CUX2: variants seen among roughly 807,000 people sequenced by gnomAD.
The protein encoded by CUX2 is homeobox protein cut-like 2.
A neutral mutation model predicts 144.8 loss-of-function variants in CUX2; 40 were observed. The observed-to-expected ratio is 0.28, with a 90% CI of 0.21 to 0.36. CUX2 has a LOEUF of 0.36. Among genes scored for constraint, CUX2 ranks in the 10% least tolerant of loss-of-function variants. The probability of loss-of-function intolerance (pLI) is 1.00; values close to 1 mark genes in which losing one functional copy is unlikely to be tolerated. For synonymous variants in CUX2, 827 were observed against 875.6 expected (o/e 0.94, Z 0.98); for missense variants, 1,615 against 1,994.0 (o/e 0.81, Z 3.62).
chr12:111,188,729 G>A (rs1019871074), intron 1 of CUX2, among the ~76,000 whole-genome samples: 2 of 152,164 alleles, frequency 1.3e-5, no homozygotes, highest in African/African-American at 4.8e-5. Flanking sequence ...AGCCTCAGGA[G>A]CAATGGGAAG....
intron 1 of CUX2, among the ~76,000 whole-genome samples, chr12:111,204,892 G>T (rs74345431): frequency 0.027 from 4,140 of 152,286 alleles, 79 homozygotes; most frequent in Middle Eastern, 0.075. Flanking sequence ...CAGGCCTGAG[G>T]CTTGGCTCTT....
intron 1 of CUX2, chr12:111,099,918 T>C (rs1363377023): frequency 1.1e-5 from 5 of 454,240 alleles, no homozygotes; most frequent in South Asian, 4.7e-5. Flanking sequence ...AGAATGAAAA[T>C]GTTTATTGCA....
chr12:111,121,300 A>T (rs1038098944), intron 1 of CUX2, among the ~76,000 whole-genome samples: 11 of 151,678 alleles, frequency 7.3e-5, no homozygotes, highest in African/African-American at 2.4e-4. Flanking sequence ...ATGAGCATGG[A>T]ACTTAAACTA....
chr12:111,105,707 G>T (rs1873559411), intron 1 of CUX2, among the ~76,000 whole-genome samples: 1 of 152,174 alleles, frequency 6.6e-6, no homozygotes, highest in African/African-American at 2.4e-5. Context: ...TGGTAACCTT[G>T]TGCAAGTGGC....
At position 111,320,388 on chromosome 12, in the gene CUX2, C is replaced by T. The variant is rs112401949; in HGVS notation, c.2379C>T (p.Arg793=). Residue 793 remains arginine (R), a synonymous_variant, in exon 17 of 22, where the codon CGC becomes CGT. Coordinates refer to ENST00000261726, the MANE Select transcript of CUX2 (RefSeq NM_015267.4). The surrounding 1 kb of genome is among the most constrained non-coding windows in gnomAD (Gnocchi z 8.1). ...TCGACCACCACTGGGCCTCCGACCG[C>T]GGCCTGCTCAGCCGCCCCTACGCCT... ...GYFDHHWASD[R]GLLSRPYASV... is the part of the protein sequence containing the mutation. The T allele has an allele frequency of 1.8e-3, 2,881 of 1,597,976 alleles. 55 individuals are homozygous for T. The African/African-American group carries it at 0.033, about 18-fold the overall frequency.
At chr12:111,116,064 C>T (rs1874285206) in intron 1 of CUX2, among the ~76,000 whole-genome samples, 1 of 152,166 alleles carries the variant, frequency 6.6e-6, no homozygotes. Flanking sequence ...TGGCCTTCTG[C>T]CTAAGGCTTA....
At chr12:111,201,082 C>T (rs568373000) in intron 1 of CUX2, among the ~76,000 whole-genome samples, 133 of 152,260 alleles carry the variant, frequency 8.7e-4, no homozygotes, top group African/African-American at 3.0e-3. Flanking sequence ...CCACCCTGGC[C>T]GCCCCTCGTT....
At chr12:111,230,908 A>G (rs549690930) in intron 3 of CUX2, among the ~76,000 whole-genome samples, 193 of 152,324 alleles carry the variant, frequency 1.3e-3, no homozygotes, top group South Asian at 7.2e-3. Context: ...AGAACATTAT[A>G]GAGTGTTTCC....
At chr12:111,228,374 G>A (rs182795661) in intron 3 of CUX2, among the ~76,000 whole-genome samples, 36 of 152,174 alleles carry the variant, frequency 2.4e-4, no homozygotes, top group Non-Finnish European at 3.8e-4. Context: ...AGGAAAATCC[G>A]GCTCTGCATA....
At chr12:111,311,536 GC>G (rs1886897084) in intron 15 of CUX2, among the ~76,000 whole-genome samples, 1 of 151,462 alleles carries the variant, frequency 6.6e-6, no homozygotes, top group African/African-American at 2.4e-5. Context: ...TAATCCACCC[GC>G]CTTGGACTCC....
At chr12:111,214,420 T>G in intron 2 of CUX2, 110 bp downstream of exon 2, 1 of 636,344 alleles carries the variant, frequency 1.6e-6, no homozygotes, top group Non-Finnish European at 2.6e-6. Flanking sequence ...GAAAAGAAGC[T>G]AATTAGCCAC....
intron 1 of CUX2, among the ~76,000 whole-genome samples, chr12:111,102,550 C>T (rs1290617718): frequency 1.3e-5 from 2 of 152,246 alleles, no homozygotes; most frequent in Admixed American, 1.3e-4. Context: ...TACTCAGGCT[C>T]ATTCAGTGAG....
rs906958836 is a variant in CUX2 at position 111,300,189 on chromosome 12, C to T, written c.753+1600C>T. 7.2e-5 allele frequency among the ~76,000 whole-genome samples: 11 copies of T among 152,320 alleles called. No individual in the cohort carries two copies. The South Asian group carries it at 8.3e-4, about 11-fold the overall frequency. Reference sequence around the variant, plus strand: ...AGTCTGGAGTGCATTGCAGCGATCACAGCTCACTGCAGCCTCAACCTCTGG... The same window carrying T: ...AGTCTGGAGTGCATTGCAGCGATCATAGCTCACTGCAGCCTCAACCTCTGG... On this transcript the variant is annotated intron_variant, in intron 9 of 21. Coordinates refer to ENST00000261726, the MANE Select transcript of CUX2 (RefSeq NM_015267.4).
intron 1 of CUX2, among the ~76,000 whole-genome samples, chr12:111,177,338 C>T (rs1048350789): frequency 1.3e-5 from 2 of 152,082 alleles, no homozygotes; most frequent in African/African-American, 4.8e-5. Context: ...AAGACAGGTA[C>T]CACCGGGACC....
intron 1 of CUX2, among the ~76,000 whole-genome samples, chr12:111,174,748 G>T (rs1295209718): frequency 3.3e-5 from 5 of 152,194 alleles, no homozygotes; most frequent in Non-Finnish European, 7.3e-5. Context: ...AGGGAACAGG[G>T]ACATCACCAC....
Position 111,068,730 on chromosome 12 carries a change from C to T in CUX2, c.63+34490C>T, listed in dbSNP as rs1871123859. Among the ~76,000 whole-genome samples, 2 of 152,228 alleles carry T rather than the reference C, an allele frequency of 1.3e-5. No individual in the cohort carries two copies. Among genetic ancestry groups the T allele is most frequent in the Admixed American group, 6.5e-5 (1 of 15,288 alleles). On this transcript the variant is annotated intron_variant, in intron 1 of 21. Transcript: ENST00000261726. The surrounding 1 kb of genome is among the most constrained non-coding windows in gnomAD (Gnocchi z 4.9). ...GTGCCCATGTCAGGGGCTGTTTGCA[C>T]CCTGAGAGGAGAGGAGACGGGGTGC...
At chr12:111,074,986 G>C (rs1466078433) in intron 1 of CUX2, among the ~76,000 whole-genome samples, 1 of 152,120 alleles carries the variant, frequency 6.6e-6, no homozygotes, top group Admixed American at 6.5e-5. Flanking sequence ...AGAGCCTTAG[G>C]GATTCTGGGT....
intron 14 of CUX2, 143 bp downstream of exon 14, chr12:111,308,669 C>CAGGACAGGCATACAGCAGG: frequency 1.5e-6 from 1 of 687,266 alleles, no homozygotes; most frequent in Non-Finnish European, 2.5e-6. Context: ...TTGGCACCTG[C>CAGGACAGGCATACAGCAGG]TGTATGCCTG....
rs966103984 is a variant in CUX2, at chr12:111,178,275, C to T, written c.64-35925C>T. On this transcript the variant is annotated intron_variant, in intron 1 of 21. Coordinates refer to ENST00000261726, the MANE Select transcript of CUX2 (RefSeq NM_015267.4). This position sits in a 1 kb window ranked among gnomAD's most constrained non-coding sequence, Gnocchi z 5.7. ...AATAAATCTTGCCCCGAAATCTCGG[C>T]AGCACATCTTGGCTGGAGTGTATGA... Among the ~76,000 whole-genome samples the T allele has an allele frequency of 6.6e-6, 1 of 152,242 alleles. No individual in the cohort carries two copies. The highest frequency in any genetic ancestry group is 1.5e-5 in the Non-Finnish European group (1 of 68,036).
Sources: allele counts gnomAD v4.1 joint callset (sites outside exome capture counted in the v4.1 genomes callset), GRCh38; gene constraint gnomAD v4.1.1; non-coding constraint Gnocchi (gnomAD v3.1); transcripts MANE v1.5; gene names NCBI Gene and HGNC (gene_info 2026-07-23, HGNC 2026-07-21).